The following TTN variants were observed in gnomAD, a reference collection of about 807,000 sequenced individuals.
TTN encodes titin.
Under a neutral mutation model 3,223.0 loss-of-function variants are expected in TTN, and 1,525 were observed. The observed-to-expected ratio is 0.47, with a 90% CI of 0.45 to 0.49. The LOEUF is 0.49. TTN is among the 20% of genes least tolerant of loss of function. The pLI, the probability that TTN is intolerant of heterozygous loss-of-function variation, is 0.00. For missense variants in TTN, 40,786 were observed against 43,424.0 expected (o/e 0.94, Z 5.40); for synonymous variants, 14,094 against 15,161.0 (o/e 0.93, Z 5.17).
Position 178,615,013 on chromosome 2 carries a change from C to T in TTN, c.48639-45G>A, listed in dbSNP as rs777263124. 66 of 1,513,900 alleles carry T rather than the reference C, an allele frequency of 4.4e-5. No homozygotes were observed. In the South Asian group the frequency reaches 6.3e-4, roughly 15 times the overall value. The allele number at this position is 1,513,900 out of a possible 1,614,324, so 93.8% of individuals were successfully genotyped here. A position where few individuals can be genotyped will look rare whatever the true frequency, so the allele number is the denominator to read the frequency against. Reference sequence around the variant, plus strand: ...GATGTTTTACTGTGATGTCGATAATCGTTTCATTGTGTAGTACTCATAATC... The same window carrying T: ...GATGTTTTACTGTGATGTCGATAATTGTTTCATTGTGTAGTACTCATAATC... On this transcript the variant is annotated intron_variant, in intron 259 of 362. Coordinates refer to ENST00000589042, the MANE Select transcript of TTN (RefSeq NM_001267550.2).
Position 178,608,878 on chromosome 2 carries a change from A to T in TTN, c.52133T>A (p.Phe17378Tyr), listed in dbSNP as rs2055574620. The change falls in exon 274 of 363, where the codon TTT (phenylalanine) becomes TAT (tyrosine). Residue 17378 changes from phenylalanine to tyrosine, a missense_variant. Physicochemically the swap from Phe to Tyr is conservative, Grantham distance 22. Transcript: ENST00000589042. The part of the protein sequence containing the change: ...DTPGPPINFV[F>Y]EDIRKTSVLC... ...GACTGAGGTCTTTCTGATATCTTCA[A>T]ATACAAAGTTGATTGGTGGTCCCGG... 2 of 1,610,888 alleles carry T rather than the reference A, an allele frequency of 1.2e-6. No homozygotes were observed. The highest frequency in any genetic ancestry group is 1.7e-6 in the Non-Finnish European group (2 of 1,179,142).
In TTN at chr2:178,684,335, G is replaced by A. The variant is rs2070253915; in HGVS notation, c.32717C>T (p.Ala10906Val). 2 of 1,613,228 alleles carry A rather than the reference G, an allele frequency of 1.2e-6. No homozygotes were observed. Among genetic ancestry groups the A allele is most frequent in the Non-Finnish European group, 1.7e-6 (2 of 1,179,542 alleles). Residue 10906 changes from alanine (A) to valine (V), a missense_variant, in exon 132 of 363, where the codon GCA becomes GTA. Physicochemically the swap from Ala to Val is moderately conservative, Grantham distance 64. Coordinates refer to ENST00000589042, the MANE Select transcript of TTN (RefSeq NM_001267550.2). ...AVTKKEAPPK[A>V]RVPEEPKRAV... ...TAATGGAAGGGCGGATGTACCTCTT[G>A]CTTTTGGAGGCGCCTCTTTTTTAGT...
intron 207 of TTN, 57 bp downstream of exon 207, chr2:178,651,396 C>A: frequency 6.2e-7 from 1 of 1,601,670 alleles, no homozygotes; most frequent in East Asian, 2.2e-5. Context: ...GAACAAAACC[C>A]TTTTAGAAGC....
At chr2:178,759,500 CTT>C (rs1265504250) in intron 43 of TTN, among the ~76,000 whole-genome samples, 3 of 152,138 alleles carry the variant, frequency 2.0e-5, no homozygotes, top group African/African-American at 7.2e-5. Context: ...TATTCAGTGA[CTT>C]TGAGAAAAAG....
In TTN at chr2:178,704,892, TC is replaced by T; in HGVS notation, c.29678del (p.Arg9893AsnfsTer10). 6.2e-7 allele frequency: 1 copy of T among 1,613,584 alleles called. No homozygotes were observed. The highest frequency in any genetic ancestry group is 8.5e-7 in the Non-Finnish European group (1 of 1,179,784). ...TTCTTTTTACCTCTGTCTGTGACAG[TC>T]TTTGCTGAATAAATGATACAAGTTC... is the stretch of plus-strand genomic sequence containing the variant. ...FEELVSFIQQ[R>X]LSQTEPVTLI... is the part of the protein sequence containing the mutation. On this transcript the variant is annotated frameshift_variant, in exon 104 of 363. Transcript: ENST00000589042. LOFTEE classifies it high-confidence loss of function.
At position 178,601,373 on chromosome 2, in the gene TTN, C is replaced by G. The variant is rs1391131193; in HGVS notation, c.55624G>C (p.Asp18542His). Residue 18542 changes from aspartate to histidine, a missense_variant, in exon 287 of 363, where the codon GAT becomes CAT. Asp to His is a moderately conservative substitution (Grantham distance 81). Coordinates refer to ENST00000589042, the MANE Select transcript of TTN (RefSeq NM_001267550.2). The stretch of plus-strand genomic sequence containing the variant: ...AAATATTGCTGTTCAGAGAGGAGAT[C>G]AGGCACTACAAATGTGGTGCTTCCA... ...DCGSTTFVVPDLLSEQQYFFR... is the reference protein window; with the variant it reads ...DCGSTTFVVPHLLSEQQYFFR... 1 of 1,612,668 alleles carries G rather than the reference C, an allele frequency of 6.2e-7. No homozygotes were observed. The highest frequency in any genetic ancestry group is 1.7e-5 in the Admixed American group (1 of 59,908).
rs2082527084 is a variant in TTN, at chr2:178,741,787, C to T, written c.11446G>A (p.Glu3816Lys). 1.2e-6 allele frequency: 2 copies of T among 1,613,392 alleles called. No homozygotes were observed. The highest frequency in any genetic ancestry group is 1.7e-6 in the Non-Finnish European group (2 of 1,179,674). ...VYPTKFDSEKEGTGPIFIKEV... is the reference protein window; with the variant it reads ...VYPTKFDSEKKGTGPIFIKEV... The stretch of plus-strand genomic sequence containing the variant: ...TTGATGAAAATTGGGCCAGTGCCTT[C>T]CTTTTCGGAATCAAATTTAGTTGGG... The change falls in exon 48 of 363, where the codon GAA (glutamate) becomes AAA (lysine). Residue 3816 changes from glutamate (E) to lysine (K), a missense_variant. Coordinates refer to ENST00000589042, the MANE Select transcript of TTN (RefSeq NM_001267550.2).
Position 178,679,998 on chromosome 2 carries a change from A to C in TTN, c.33476T>G (p.Val11159Gly), listed in dbSNP as rs1240653461. The C allele has an allele frequency of 6.2e-7, 1 of 1,613,248 alleles. No homozygotes were observed. The highest frequency in any genetic ancestry group is 8.5e-7 in the Non-Finnish European group (1 of 1,179,456). ...TACAAGATATTCTTCTACATGGGTT[A>C]CAACTTCCTCTTCAAAGGCAACCTC... ...PEEVAFEEEV[V>G]THVEEYLVEE... Residue 11159 changes from valine to glycine, a missense_variant, in exon 140 of 363, where the codon GTA becomes GGA. By Grantham distance (109) the Val-to-Gly change is moderately radical. Coordinates refer to ENST00000589042, the MANE Select transcript of TTN (RefSeq NM_001267550.2).
Position 178,553,401 on chromosome 2 carries a change from A to C in TTN, c.89504-5T>G. 1 of 1,587,402 alleles carries C rather than the reference A, an allele frequency of 6.3e-7. No homozygotes were observed. Among genetic ancestry groups the C allele is most frequent in the Non-Finnish European group, 8.6e-7 (1 of 1,167,266 alleles). ...CCAGGTCAATCTCTGGTGCCTCTGT[A>C]GACATAAAATGGATACATACAGTGA... is the stretch of plus-strand genomic sequence containing the variant. On this transcript the variant is annotated splice_polypyrimidine_tract_variant and splice_region_variant and intron_variant, in intron 334 of 362. Coordinates refer to ENST00000589042, the MANE Select transcript of TTN (RefSeq NM_001267550.2).
Position 178,578,820 on chromosome 2 carries a change from G to A in TTN, c.68210C>T (p.Ala22737Val), listed in dbSNP as rs372975579. 2.4e-5 allele frequency: 38 copies of A among 1,610,050 alleles called. No homozygotes were observed. The highest frequency in any genetic ancestry group is 2.8e-5 in the Non-Finnish European group (33 of 1,177,680). Residue 22737 changes from alanine (A) to valine (V), a missense_variant, in exon 320 of 363, where the codon GCG (alanine) becomes GTG (valine). Coordinates refer to ENST00000589042, the MANE Select transcript of TTN (RefSeq NM_001267550.2). The stretch of plus-strand genomic sequence containing the variant: ...AAGACACTTACCAAATGGATGTCTC[G>A]CAACAATTGGCTCCGATTTCAGGCC... Reference protein sequence around the residue: ...GEGLKSEPIVARHPFDVPDAP... With the variant: ...GEGLKSEPIVVRHPFDVPDAP...
chr2:178,623,664 G>A (rs2058624765), intron 242 of TTN, among the ~76,000 whole-genome samples: 1 of 151,840 alleles, frequency 6.6e-6, no homozygotes, highest in Non-Finnish European at 1.5e-5. Flanking sequence ...GAAAAACATG[G>A]TACAAGATGC....
intron 9 of TTN, 95 bp downstream of exon 9, chr2:178,793,309 T>C (rs2093608989): frequency 2.0e-6 from 3 of 1,514,586 alleles, no homozygotes; most frequent in South Asian, 2.6e-5. Flanking sequence ...AACAACCATG[T>C]GGCCCAAGGA....
Position 178,608,903 on chromosome 2 carries a change from G to C in TTN, c.52108C>G (p.Pro17370Ala). The part of the protein sequence containing the change: ...APCTVSVLDT[P>A]GPPINFVFED... ...AATACAAAGTTGATTGGTGGTCCCG[G>C]TGTATCTAATATTTCAGAAGAGAAC... Residue 17370 changes from proline (P) to alanine (A), a missense_variant, in exon 274 of 363, where the codon CCG becomes GCG. Coordinates refer to ENST00000589042, the MANE Select transcript of TTN (RefSeq NM_001267550.2). 1 of 1,607,806 alleles carries C rather than the reference G, an allele frequency of 6.2e-7. No homozygotes were observed. The highest frequency in any genetic ancestry group is 8.5e-7 in the Non-Finnish European group (1 of 1,178,868).
intron 307 of TTN, 107 bp from the exon 308 acceptor site, chr2:178,586,914 C>T (rs2049116797): frequency 4.1e-6 from 6 of 1,452,420 alleles, no homozygotes; most frequent in East Asian, 2.3e-5. Flanking sequence ...GTACATAGAA[C>T]CTGTAGTTCA....
rs762590088 is a variant in TTN at position 178,745,818 on chromosome 2, C to T, written c.11312-3897G>A. ...AAGCACTGAAAATATGCTGCTGTACCTATTGGTGCATAACAGTCAGAAATA... is the reference window on the plus strand; with the variant it reads ...AAGCACTGAAAATATGCTGCTGTACTTATTGGTGCATAACAGTCAGAAATA... On this transcript the variant is annotated intron_variant, in intron 47 of 362. Coordinates refer to ENST00000589042, the MANE Select transcript of TTN (RefSeq NM_001267550.2). 1.2e-5 allele frequency: 19 copies of T among 1,613,216 alleles called. No homozygotes were observed. In the Admixed American group the frequency reaches 2.7e-4, roughly 23 times the overall value.
chr2:178,634,293 T>G lies in TTN; in HGVS notation c.42415+73A>C, dbSNP rs2060150896. The G allele has an allele frequency of 6.5e-7, 1 of 1,544,680 alleles. No individual in the cohort carries two copies. Among genetic ancestry groups the G allele is most frequent in the South Asian group, 1.2e-5 (1 of 81,250 alleles). On this transcript the variant is annotated intron_variant, in intron 230 of 362. Coordinates refer to ENST00000589042, the MANE Select transcript of TTN (RefSeq NM_001267550.2). This position sits in a 1 kb window ranked among gnomAD's most constrained non-coding sequence, Gnocchi z 4.6. ...GATGCATTATCACAGCTTTTAGAAC[T>G]TGGCGTCCTATCTTTAAAGTCATAT... is the stretch of plus-strand genomic sequence containing the variant.
At position 178,604,003 on chromosome 2, in the gene TTN, G is replaced by A. The variant is rs971983103; in HGVS notation, c.54684C>T (p.Gly18228=). The change falls in exon 282 of 363, where the codon GGC becomes GGT. Residue 18228 remains glycine, a synonymous_variant. Transcript: ENST00000589042. ...RAPITKVGLK[G]VEFNVPRLLE... Reference sequence around the variant, plus strand: ...GCAAACGAGGAACATTAAATTCCACGCCTTTCAATCCCACTTTGGTTATTG... The same window carrying A: ...GCAAACGAGGAACATTAAATTCCACACCTTTCAATCCCACTTTGGTTATTG... The A allele has an allele frequency of 3.7e-6, 6 of 1,612,688 alleles. No individual in the cohort carries two copies. Among genetic ancestry groups the A allele is most frequent in the African/African-American group, 2.7e-5 (2 of 74,812 alleles).
Position 178,591,235 on chromosome 2 carries a change from C to T in TTN, c.60490G>A (p.Val20164Ile), listed in dbSNP as rs72646843. 4.4e-5 allele frequency: 71 copies of T among 1,613,302 alleles called. No individual in the cohort carries two copies. The highest frequency in any genetic ancestry group is 2.3e-4 in the Admixed American group (14 of 59,972). The change falls in exon 304 of 363, where the codon GTA (valine) becomes ATA (isoleucine). Residue 20164 changes from valine (V) to isoleucine (I), a missense_variant. Coordinates refer to ENST00000589042, the MANE Select transcript of TTN (RefSeq NM_001267550.2). ...GGAACATCAAGAACAGTAAGATGTA[C>T]GGCTACTGTTTTGCTACCGGCTGCA... ...SNAAGSKTVA[V>I]HLTVLDVPGP...
intron 29 of TTN, 173 bp from the exon 30 acceptor site, chr2:178,774,646 T>A (rs2091985899): frequency 1.4e-6 from 1 of 709,702 alleles, no homozygotes; most frequent in African/African-American, 1.8e-5. Context: ...GCAGTTATTT[T>A]ATTTTAATTT....
Sources: allele counts gnomAD v4.1 joint callset (sites outside exome capture counted in the v4.1 genomes callset), GRCh38; gene constraint gnomAD v4.1.1; non-coding constraint Gnocchi (gnomAD v3.1); transcripts MANE v1.5; gene names NCBI Gene and HGNC (gene_info 2026-07-23, HGNC 2026-07-21).